RBFOX1: variants seen among roughly 807,000 people sequenced by gnomAD.
RBFOX1 encodes the protein RNA binding protein fox-1 homolog 1.
A neutral mutation model predicts 57.7 loss-of-function variants in RBFOX1; 8 were observed. That is an observed-to-expected ratio of 0.14 (90% CI 0.08 to 0.25). The LOEUF is 0.25. Among genes scored for constraint, RBFOX1 ranks in the 10% least tolerant of loss-of-function variants. RBFOX1 has a pLI of 1.00. For synonymous variants in RBFOX1, 326 were observed against 222.4 expected, an observed-to-expected ratio of 1.47 and a Z score of -4.15; for missense variants, 611 against 548.5, an observed-to-expected ratio of 1.11 and a Z score of -1.14.
intron 3 of RBFOX1, among the ~76,000 whole-genome samples, chr16:6,710,032 C>G (rs1406944187): frequency 6.6e-6 from 1 of 152,090 alleles, no homozygotes; most frequent in Non-Finnish European, 1.5e-5. Flanking sequence ...ATATGCTGCT[C>G]ACCCTTTGAG....
intron 1 of RBFOX1, among the ~76,000 whole-genome samples, chr16:5,281,586 G>C (rs551405102): frequency 1.8e-4 from 28 of 152,252 alleles, no homozygotes; most frequent in Non-Finnish European, 3.4e-4. Flanking sequence ...CATAATATTT[G>C]CTATGTGTGT....
chr16:7,642,612 T>C (rs747550580), intron 11 of RBFOX1, among the ~76,000 whole-genome samples: 5 of 152,144 alleles, frequency 3.3e-5, no homozygotes, highest in Admixed American at 6.5e-5. Flanking sequence ...AGCTGTTAGA[T>C]AGAACATGAA....
At chr16:7,646,215 AT>A (rs1384612584) in intron 11 of RBFOX1, among the ~76,000 whole-genome samples, 2 of 152,266 alleles carry the variant, frequency 1.3e-5, no homozygotes, top group East Asian at 3.9e-4. Flanking sequence ...CTTCATTGTG[AT>A]GTTCATTGCA....
intron 3 of RBFOX1, among the ~76,000 whole-genome samples, chr16:6,872,687 T>C (rs1213298687): frequency 6.6e-6 from 1 of 152,230 alleles, no homozygotes; most frequent in East Asian, 1.9e-4. Context: ...AGCAAAATTA[T>C]AATCCAGGGT....
intron 4 of RBFOX1, among the ~76,000 whole-genome samples, chr16:5,882,535 C>G (rs543221359): frequency 1.9e-4 from 29 of 152,310 alleles, no homozygotes; most frequent in African/African-American, 7.0e-4. Flanking sequence ...TCAGAGCTGC[C>G]TCTACCACAG....
chr16:5,243,511 C>A (rs72775749), intron 1 of RBFOX1, among the ~76,000 whole-genome samples: 14,006 of 152,208 alleles, frequency 0.092, 846 homozygotes, highest in Middle Eastern at 0.16. Context: ...CTGGTGGGGG[C>A]CGTCCCGTGT....
chr16:7,151,493 A>G (rs999671186), intron 4 of RBFOX1, among the ~76,000 whole-genome samples: 1 of 152,072 alleles, frequency 6.6e-6, no homozygotes, highest in African/African-American at 2.4e-5. Context: ...TCTGGAGCAG[A>G]TCTTCTTCAC....
At chr16:6,279,133 G>C (rs974340719) in intron 1 of RBFOX1, among the ~76,000 whole-genome samples, 3 of 152,068 alleles carry the variant, frequency 2.0e-5, no homozygotes, top group Admixed American at 6.5e-5. Context: ...AACTCTGTTA[G>C]GTTCTGGGGG....
rs1257699569 is a variant in RBFOX1, at chr16:7,229,810, G to A, written c.27+177712G>A. On this transcript the variant is annotated intron_variant, in intron 4 of 15. Transcript: ENST00000550418. Reference sequence around the variant, plus strand: ...AGGGAGAGAGAGGGAGGAAGGGAGAGAGAGGAAGGAAGGGAGAGAGAGGGA... The same window carrying A: ...AGGGAGAGAGAGGGAGGAAGGGAGAAAGAGGAAGGAAGGGAGAGAGAGGGA... Among the ~76,000 whole-genome samples, 10 of 41,522 alleles carry A rather than the reference G, an allele frequency of 2.4e-4. 1 individual carries two copies. Among genetic ancestry groups the A allele is most frequent in the African/African-American group, 8.5e-4 (7 of 8,214 alleles). 27.2% of individuals were successfully genotyped at this position (41,522 alleles called of 152,430 possible).
chr16:5,799,568 A>AGTTG (rs2054991467), intron 3 of RBFOX1, among the ~76,000 whole-genome samples: 1 of 152,188 alleles, frequency 6.6e-6, no homozygotes, highest in African/African-American at 2.4e-5. Flanking sequence ...TACAGTATCC[A>AGTTG]GTTGGTTACA....
chr16:6,022,508 C>G (rs1596453841), intron 1 of RBFOX1, among the ~76,000 whole-genome samples: 1 of 152,056 alleles, frequency 6.6e-6, no homozygotes, highest in Non-Finnish European at 1.5e-5. Context: ...TAGCAAAACC[C>G]TGTCTGTACT....
intron 3 of RBFOX1, among the ~76,000 whole-genome samples, chr16:5,809,119 C>A (rs182016474): frequency 6.6e-6 from 1 of 152,294 alleles, no homozygotes; most frequent in East Asian, 1.9e-4. Flanking sequence ...TGGCTAGCCA[C>A]ATGGAGAAAG....
chr16:5,302,181 A>T (rs1238295738), intron 1 of RBFOX1, among the ~76,000 whole-genome samples: 1 of 152,084 alleles, frequency 6.6e-6, no homozygotes, highest in Non-Finnish European at 1.5e-5. Flanking sequence ...AATTTCCCTC[A>T]TATTTTAGTC....
In RBFOX1 at chr16:7,275,423, A is replaced by G. The variant is rs368770775; in HGVS notation, c.27+223325A>G. ...TTCATTTATCAAATATTTATCAGCAATGATGATTCTCCAGACATTAACATA... is the reference window on the plus strand; with the variant it reads ...TTCATTTATCAAATATTTATCAGCAGTGATGATTCTCCAGACATTAACATA... On this transcript the variant is annotated intron_variant, in intron 4 of 15. Coordinates refer to ENST00000550418, the MANE Select transcript of RBFOX1 (RefSeq NM_018723.4). Among the ~76,000 whole-genome samples, 266 of 152,340 alleles carry G rather than the reference A, an allele frequency of 1.7e-3. 1 individual carries two copies. Among genetic ancestry groups the G allele is most frequent in the Admixed American group, 4.4e-3 (67 of 15,296 alleles).
At chr16:6,000,283 G>A (rs1438651890) in intron 4 of RBFOX1, among the ~76,000 whole-genome samples, 1 of 152,180 alleles carries the variant, frequency 6.6e-6, no homozygotes, top group Non-Finnish European at 1.5e-5. Context: ...TCCTGAGTCT[G>A]GTTGGTTTGG....
chr16:7,558,835 G>C lies in RBFOX1; in HGVS notation c.271-20942G>C, dbSNP rs185582731. The stretch of plus-strand genomic sequence containing the variant: ...CTTTCTGAGAGCACTTGTGAAATAA[G>C]TATATGAAAATACTATATAATGTGG... On this transcript the variant is annotated intron_variant, in intron 5 of 15. Coordinates refer to ENST00000550418, the MANE Select transcript of RBFOX1 (RefSeq NM_018723.4). Among the ~76,000 whole-genome samples the C allele has an allele frequency of 7.9e-5, 12 of 152,314 alleles. No homozygotes were observed. In the East Asian group the frequency reaches 2.1e-3, roughly 27 times the overall value.
intron 4 of RBFOX1, among the ~76,000 whole-genome samples, chr16:7,342,658 T>G (rs1460080050): frequency 6.6e-6 from 1 of 152,184 alleles, no homozygotes; most frequent in Non-Finnish European, 1.5e-5. Flanking sequence ...TTGGCCTGCG[T>G]GGACAGTGCA....
At chr16:7,284,914 T>C (rs537702141) in intron 4 of RBFOX1, among the ~76,000 whole-genome samples, 1 of 152,188 alleles carries the variant, frequency 6.6e-6, no homozygotes. Flanking sequence ...CTTTCTTACA[T>C]CCTTGCCACA....
chr16:6,076,510 C>T (rs1008689822), intron 1 of RBFOX1, among the ~76,000 whole-genome samples: 1 of 152,078 alleles, frequency 6.6e-6, no homozygotes, highest in African/African-American at 2.4e-5. Context: ...CTCTGTCACC[C>T]AGGCTGGAGG....
Sources: allele counts gnomAD v4.1 joint callset (sites outside exome capture counted in the v4.1 genomes callset), GRCh38; gene constraint gnomAD v4.1.1; transcripts MANE v1.5; gene names NCBI Gene and HGNC (gene_info 2026-07-23, HGNC 2026-07-21).